The following RBPJ variants were observed in gnomAD, a reference collection of about 807,000 sequenced individuals.
RBPJ encodes recombination signal binding protein for immunoglobulin kappa J region.
A neutral mutation model predicts 67.8 loss-of-function variants in RBPJ; 9 were observed. That is an observed-to-expected ratio of 0.13 (90% confidence interval 0.08 to 0.23). The LOEUF is 0.23. Ranked by LOEUF, RBPJ falls within the 10% of genes least tolerant of loss-of-function variation. The pLI is 1.00. For synonymous variants in RBPJ, 198 were observed against 203.3 expected, an observed-to-expected ratio of 0.97 and a Z score of 0.22; for missense variants, 305 against 595.6, an observed-to-expected ratio of 0.51 and a Z score of 5.08.
At chr4:26,322,889 A>G (rs774099746) in intron 1 of RBPJ, 19 of 151,930 alleles carry the variant, frequency 1.3e-4, no homozygotes, top group Non-Finnish European at 2.4e-4. Flanking sequence ...CAGGATTACT[A>G]TGCTGAAGGT....
In RBPJ at chr4:26,275,307, C is replaced by A. The variant is rs898889831; in HGVS notation, c.-166-87139C>A. On this transcript the variant is annotated intron_variant, in intron 1 of 4. Coordinates refer to the RBPJ transcript ENST00000512351. ...AGATGCATAAGCCCCAGATTCAAAT[C>A]GCAGCTCTGCCACTTGCTGGCAGGG... Among the ~76,000 whole-genome samples, 18 of 152,288 alleles carry A rather than the reference C, an allele frequency of 1.2e-4. 1 individual carries two copies. The highest frequency in any genetic ancestry group is 4.3e-4 in the African/African-American group (18 of 41,566).
At chr4:26,245,627 T>G (rs1357740973) in intron 1 of RBPJ, among the ~76,000 whole-genome samples, 2 of 152,182 alleles carry the variant, frequency 1.3e-5, no homozygotes, top group African/African-American at 4.8e-5. Flanking sequence ...GATTTTAGCT[T>G]TATATTTAAG....
chr4:26,268,891 T>C (rs1720790577), intron 1 of RBPJ, among the ~76,000 whole-genome samples: 1 of 152,246 alleles, frequency 6.6e-6, no homozygotes, highest in South Asian at 2.1e-4. Context: ...ACAAATTTCA[T>C]ATGTTAACTT....
upstream of RBPJ, among the ~76,000 whole-genome samples, chr4:26,163,162 C>A (rs1408425695): frequency 6.6e-6 from 1 of 152,102 alleles, no homozygotes; most frequent in Non-Finnish European, 1.5e-5. Flanking sequence ...AACATCAAGG[C>A]AGTCACTAAA....
intron 1 of RBPJ, among the ~76,000 whole-genome samples, chr4:26,295,992 T>C (rs141352237): frequency 6.6e-6 from 1 of 152,322 alleles, no homozygotes; most frequent in East Asian, 1.9e-4. Flanking sequence ...CATTTAGAAC[T>C]ACTATAAGAG....
At chr4:26,207,499 T>A (rs963272116) in intron 1 of RBPJ, among the ~76,000 whole-genome samples, 4 of 152,210 alleles carry the variant, frequency 2.6e-5, no homozygotes, top group African/African-American at 9.6e-5. Context: ...GTTATACTGA[T>A]TCATTCCTGT....
chr4:26,251,834 C>G (rs1302598415), intron 1 of RBPJ, among the ~76,000 whole-genome samples: 3 of 110,580 alleles, frequency 2.7e-5, no homozygotes, highest in Non-Finnish European at 5.0e-5. Flanking sequence ...GGTGACAGAG[C>G]GAGACTCCGT....
intron 1 of RBPJ, among the ~76,000 whole-genome samples, chr4:26,181,048 C>T (rs1057447324): frequency 2.0e-5 from 3 of 152,174 alleles, no homozygotes; most frequent in Non-Finnish European, 4.4e-5. Context: ...CTTTGCTCTT[C>T]CTTGGTCTTC....
At chr4:26,426,766 CA>C (rs1735714408) in intron 7 of RBPJ, among the ~76,000 whole-genome samples, 1 of 152,052 alleles carries the variant, frequency 6.6e-6, no homozygotes, top group African/African-American at 2.4e-5. Context: ...GCATTTCAGG[CA>C]AACAGAACAA....
intron 1 of RBPJ, among the ~76,000 whole-genome samples, chr4:26,259,453 T>G (rs1294132762): frequency 6.6e-6 from 1 of 152,230 alleles, no homozygotes. Context: ...ACTGGACCAC[T>G]TCCATCTCTT....
chr4:26,252,800 G>A (rs1270926105), intron 1 of RBPJ, among the ~76,000 whole-genome samples: 3 of 152,064 alleles, frequency 2.0e-5, no homozygotes, highest in Admixed American at 2.0e-4. Context: ...ATCAGCTTTT[G>A]GATTCGAGTT....
intron 1 of RBPJ, among the ~76,000 whole-genome samples, chr4:26,256,537 C>T (rs1720349622): frequency 6.6e-6 from 1 of 152,088 alleles, no homozygotes. Flanking sequence ...TTATAATATT[C>T]CAGAAATCTA....
At chr4:26,364,658 G>A (rs1728437928) in intron 1 of RBPJ, among the ~76,000 whole-genome samples, 1 of 107,652 alleles carries the variant, frequency 9.3e-6, no homozygotes, top group Admixed American at 1.3e-4. Flanking sequence ...ATGGAGTCTT[G>A]CTCTGTTGCT....
chr4:26,183,741 C>T (rs555289891), intron 1 of RBPJ, among the ~76,000 whole-genome samples: 2 of 152,200 alleles, frequency 1.3e-5, no homozygotes, highest in Admixed American at 1.3e-4. Flanking sequence ...CGGGCGTGGT[C>T]GCTCACGCCT....
intron 3 of RBPJ, among the ~76,000 whole-genome samples, chr4:26,413,775 T>G (rs1455205951): frequency 6.6e-6 from 1 of 152,174 alleles, no homozygotes; most frequent in Non-Finnish European, 1.5e-5. Context: ...AGCCTGCTGG[T>G]GTCTGCTTGT....
intron 1 of RBPJ, among the ~76,000 whole-genome samples, chr4:26,291,306 A>G (rs1416177875): frequency 6.6e-6 from 1 of 151,004 alleles, no homozygotes; most frequent in African/African-American, 2.4e-5. Flanking sequence ...TTTGCATCCA[A>G]CAGAAATACA....
chr4:26,266,635 T>A (rs1435024176), intron 1 of RBPJ, among the ~76,000 whole-genome samples: 2 of 152,304 alleles, frequency 1.3e-5, no homozygotes, highest in South Asian at 4.1e-4. Context: ...TTGGTTTTTA[T>A]GACGTGCTTT....
At chr4:26,357,572 A>T (rs1010999565) in intron 1 of RBPJ, among the ~76,000 whole-genome samples, 1 of 152,198 alleles carries the variant, frequency 6.6e-6, no homozygotes, top group African/African-American at 2.4e-5. Flanking sequence ...ATTGTAGCAA[A>T]ATATACATAA....
intron 1 of RBPJ, among the ~76,000 whole-genome samples, chr4:26,221,393 A>C (rs765265363): frequency 1.3e-5 from 2 of 152,144 alleles, no homozygotes; most frequent in African/African-American, 2.4e-5. Context: ...CCCGGCCTTA[A>C]ATAGATCTTA....
Sources: gnomAD v4.1 joint callset for allele counts (sites outside exome capture counted in the v4.1 genomes callset) on GRCh38, gnomAD v4.1.1 for gene constraint, MANE v1.5 for transcripts, NCBI Gene and HGNC (gene_info 2026-07-23, HGNC 2026-07-21) for gene names.